Variants in DNAH9 observed in about 807,000 individuals in gnomAD.
DNAH9 encodes the protein DNAH9 variant protein.
A neutral mutation model predicts 471.6 loss-of-function variants in DNAH9; 345 were observed. The ratio of observed to expected loss-of-function variants is 0.73; its 90% confidence interval spans 0.67 to 0.80. The LOEUF is 0.80. DNAH9 is among the 30% of genes least tolerant of loss of function. The pLI, the probability that DNAH9 is intolerant of heterozygous loss-of-function variation, is 0.00. For missense variants in DNAH9, 5,407 were observed against 5,609.2 expected (o/e 0.96, Z 1.15); for synonymous variants, 2,093 against 2,123.6 (o/e 0.99, Z 0.40).
intron 55 of DNAH9, chr17:11,883,317 A>C (rs377132836): frequency 8.4e-7 from 1 of 1,189,970 alleles, no homozygotes; most frequent in African/African-American, 1.5e-5. Flanking sequence ...CCCATTGTGC[A>C]TTAAGCATAG....
At chr17:11,763,733 A>C (rs1425896204) in intron 36 of DNAH9, 119 bp downstream of exon 36, 1 of 980,584 alleles carries the variant, frequency 1.0e-6, no homozygotes, top group African/African-American at 1.6e-5. Flanking sequence ...GAAAGCAGCA[A>C]ACTATTTAGT....
Position 11,664,985 on chromosome 17 carries a change from G to A in DNAH9, c.2731+17G>A, listed in dbSNP as rs77763924. ...AAAATACTGGTACTTACTGGCTTAT[G>A]GATGTGGGTTATTATTGGAAAGATA... On this transcript the variant is annotated intron_variant, in intron 15 of 68. Coordinates refer to ENST00000262442, the MANE Select transcript of DNAH9 (RefSeq NM_001372.4). 8.6e-3 allele frequency: 13,831 copies of A among 1,604,856 alleles called. 84 individuals carry two copies. The highest frequency in any genetic ancestry group is 9.9e-3 in the Non-Finnish European group (11,592 of 1,174,582).
At chr17:11,899,446 A>G (rs929150736) in intron 59 of DNAH9, among the ~76,000 whole-genome samples, 28 of 152,180 alleles carry the variant, frequency 1.8e-4, no homozygotes, top group Admixed American at 1.7e-3. Context: ...CTGGTTGCCA[A>G]TTTAGCTCGG....
chr17:11,751,700 A>G (rs1967156712), intron 32 of DNAH9, among the ~76,000 whole-genome samples: 1 of 152,226 alleles, frequency 6.6e-6, no homozygotes, highest in South Asian at 2.1e-4. Flanking sequence ...TATTGTCAAC[A>G]TTATTGCTTA....
intron 61 of DNAH9, among the ~76,000 whole-genome samples, chr17:11,922,991 CCT>C (rs1974182275): frequency 6.6e-6 from 1 of 152,144 alleles, no homozygotes; most frequent in African/African-American, 2.4e-5. Context: ...CAATCCTACC[CCT>C]CTTTGGGAAT....
intron 49 of DNAH9, among the ~76,000 whole-genome samples, chr17:11,849,049 G>A (rs1424591388): frequency 6.6e-6 from 1 of 152,124 alleles, no homozygotes; most frequent in Admixed American, 6.6e-5. Flanking sequence ...TGTTAGCCAG[G>A]ATGGTCTCGA....
At chr17:11,835,163 A>T (rs1371055080) in intron 49 of DNAH9, among the ~76,000 whole-genome samples, 1 of 152,218 alleles carries the variant, frequency 6.6e-6, no homozygotes, top group African/African-American at 2.4e-5. Flanking sequence ...TACTTCATGT[A>T]TGAGAAAACC....
chr17:11,664,593 A>G (rs1193838717), intron 14 of DNAH9, among the ~76,000 whole-genome samples: 1 of 152,218 alleles, frequency 6.6e-6, no homozygotes, highest in East Asian at 1.9e-4. Flanking sequence ...AAGCTGGGCC[A>G]ACCCCATCCT....
intron 61 of DNAH9, among the ~76,000 whole-genome samples, chr17:11,906,609 A>G (rs2151016312): frequency 6.6e-6 from 1 of 150,936 alleles, no homozygotes; most frequent in Non-Finnish European, 1.5e-5. Context: ...CCTGGGTGAC[A>G]AGAGCAAGAC....
At chr17:11,903,552 G>A (rs908035054) in intron 60 of DNAH9, among the ~76,000 whole-genome samples, 1 of 152,176 alleles carries the variant, frequency 6.6e-6, no homozygotes, top group Admixed American at 6.5e-5. Flanking sequence ...GAAAAAAGAA[G>A]TTGTAGGCCG....
intron 61 of DNAH9, among the ~76,000 whole-genome samples, chr17:11,907,334 G>A (rs1402116159): frequency 1.3e-5 from 2 of 152,096 alleles, no homozygotes; most frequent in Non-Finnish European, 2.9e-5. Flanking sequence ...GCTGGGCATG[G>A]TGGTGCATGC....
At chr17:11,931,240 G>A (rs1442987398) in intron 63 of DNAH9, among the ~76,000 whole-genome samples, 1 of 152,202 alleles carries the variant, frequency 6.6e-6, no homozygotes, top group Non-Finnish European at 1.5e-5. Context: ...GCAGCTGCTA[G>A]GGAGGTTTTC....
intron 43 of DNAH9, among the ~76,000 whole-genome samples, chr17:11,803,395 T>TGC (rs1200011493): frequency 6.6e-6 from 1 of 150,856 alleles, no homozygotes; most frequent in African/African-American, 2.5e-5. Context: ...TGTGTGTGTG[T>TGC]GTGTGCGCTC....
intron 50 of DNAH9, among the ~76,000 whole-genome samples, chr17:11,859,969 C>A (rs1971783358): frequency 6.6e-6 from 1 of 152,204 alleles, no homozygotes; most frequent in Non-Finnish European, 1.5e-5. Context: ...CCCCTGCCTT[C>A]AGCTCCCTTC....
At chr17:11,841,508 T>A (rs997184612) in intron 49 of DNAH9, among the ~76,000 whole-genome samples, 1 of 152,170 alleles carries the variant, frequency 6.6e-6, no homozygotes, top group Non-Finnish European at 1.5e-5. Flanking sequence ...TCTTGCTCAG[T>A]GAATCTGCAT....
At chr17:11,896,181 A>G (rs1384763872) in intron 59 of DNAH9, among the ~76,000 whole-genome samples, 3 of 152,204 alleles carry the variant, frequency 2.0e-5, no homozygotes, top group African/African-American at 7.2e-5. Context: ...TAGTAACTCC[A>G]TCTTAACTTG....
At chr17:11,729,526 G>A (rs1226116363) in intron 28 of DNAH9, among the ~76,000 whole-genome samples, 1 of 152,170 alleles carries the variant, frequency 6.6e-6, no homozygotes, top group Non-Finnish European at 1.5e-5. Context: ...ACAGAAAAAG[G>A]AAAAATGTAG....
At chr17:11,673,029 C>G (rs935085038) in intron 17 of DNAH9, among the ~76,000 whole-genome samples, 4 of 152,118 alleles carry the variant, frequency 2.6e-5, no homozygotes, top group Non-Finnish European at 4.4e-5. Context: ...AAAACCCTGA[C>G]TGTTTAAACT....
intron 55 of DNAH9, chr17:11,883,115 C>T: frequency 1.0e-6 from 1 of 989,116 alleles, no homozygotes; most frequent in Non-Finnish European, 1.2e-6. Flanking sequence ...TTTACACAGT[C>T]TGCCATGGTT....
Sources: allele counts gnomAD v4.1 joint callset (sites outside exome capture counted in the v4.1 genomes callset), GRCh38; gene constraint gnomAD v4.1.1; transcripts MANE v1.5; gene names NCBI Gene and HGNC (gene_info 2026-07-23, HGNC 2026-07-21).